Variants in ZNF800 observed in about 807,000 individuals in gnomAD.
The protein encoded by ZNF800 is zinc finger protein 800.
Under a neutral mutation model 59.5 loss-of-function variants are expected in ZNF800, and 13 were observed. The observed-to-expected ratio is 0.22, with a 90% CI of 0.14 to 0.35. ZNF800 has a LOEUF of 0.35. Ranked by LOEUF, ZNF800 falls within the 10% of genes least tolerant of loss-of-function variation. The pLI is 1.00. For synonymous variants in ZNF800, 266 were observed against 265.7 expected, an observed-to-expected ratio of 1.00 and a Z score of -0.01; for missense variants, 621 against 783.7, an observed-to-expected ratio of 0.79 and a Z score of 2.48.
intron 2 of ZNF800, among the ~76,000 whole-genome samples, chr7:127,391,158 C>T (rs987219909): frequency 6.6e-6 from 1 of 152,100 alleles, no homozygotes; most frequent in Non-Finnish European, 1.5e-5. Flanking sequence ...GACAACAAAT[C>T]TAGTATTCTA....
chr7:127,377,039 T>C lies in ZNF800; in HGVS notation c.301+147A>G, dbSNP rs1267113560. On this transcript the variant is annotated intron_variant, in intron 4 of 5. Transcript: ENST00000265827. This position sits in a 1 kb window ranked among gnomAD's most constrained non-coding sequence, Gnocchi z 4.7. ...ACATTGAGTCAAGTATTTAATTTTA[T>C]TCTCCATCTCCATCTAAAAATTATC... 7.0e-5 allele frequency: 46 copies of C among 656,662 alleles called. No homozygotes were observed. Among genetic ancestry groups the C allele is most frequent in the Non-Finnish European group, 5.3e-5 (22 of 418,250 alleles). 40.7% of individuals were successfully genotyped at this position (656,662 alleles called of 1,614,324 possible). A position where few individuals can be genotyped will look rare whatever the true frequency, so the allele number is the denominator to read the frequency against.
At chr7:127,366,356 C>A (rs893829438), downstream of ZNF800, among the ~76,000 whole-genome samples, 2 of 152,130 alleles carry the variant, frequency 1.3e-5, no homozygotes, top group African/African-American at 4.8e-5. Context: ...AAATCACCAA[C>A]TCAAACTATG....
downstream of ZNF800, among the ~76,000 whole-genome samples, chr7:127,367,473 A>C (rs976014423): frequency 6.6e-5 from 10 of 152,174 alleles, no homozygotes; most frequent in Admixed American, 5.2e-4. Context: ...GGGATAATGA[A>C]AGAATAGGTT....
intron 3 of ZNF800, among the ~76,000 whole-genome samples, chr7:127,379,392 A>G (rs1289120296): frequency 6.6e-6 from 1 of 152,202 alleles, no homozygotes; most frequent in Non-Finnish European, 1.5e-5. Context: ...ATTCTAAACT[A>G]CAAAACCTGC....
At chr7:127,365,304 T>C (rs539518289), downstream of ZNF800, among the ~76,000 whole-genome samples, 4 of 152,180 alleles carry the variant, frequency 2.6e-5, no homozygotes, top group South Asian at 2.1e-4. Context: ...ATCTCACATG[T>C]AGAGAAGCTA....
At chr7:127,371,856 A>G in intron 5 of ZNF800, 42 bp from the exon 6 acceptor site, 1 of 742,708 alleles carries the variant, frequency 1.3e-6, no homozygotes, top group Non-Finnish European at 2.5e-6. Flanking sequence ...TGAGTTTACT[A>G]ATAAAACCTA....
intron 1 of ZNF800, chr7:127,362,094 C>G (rs1466812839): frequency 6.6e-6 from 1 of 152,086 alleles, no homozygotes; most frequent in Admixed American, 6.6e-5. Flanking sequence ...CAAGGCCAAG[C>G]ATAGAGATAC....
intron 3 of ZNF800, among the ~76,000 whole-genome samples, chr7:127,381,086 A>T (rs902728866): frequency 6.6e-6 from 1 of 152,240 alleles, no homozygotes; most frequent in Non-Finnish European, 1.5e-5. Context: ...GTCACATTAC[A>T]ATATGACAAT....
At chr7:127,384,781 T>A (rs759994807) in intron 3 of ZNF800, among the ~76,000 whole-genome samples, 1 of 152,172 alleles carries the variant, frequency 6.6e-6, no homozygotes, top group East Asian at 1.9e-4. Flanking sequence ...CTGTCCCTAA[T>A]AAGTAAAATT....
chr7:127,370,629 T>A lies in ZNF800; in HGVS notation c.*1185A>T, dbSNP rs935211518. ...TCCTAAGTACAGGTGTGAACCTATATAAAAACATGGTATATTTTCTGCTGT... is the reference window on the plus strand; with the variant it reads ...TCCTAAGTACAGGTGTGAACCTATAAAAAAACATGGTATATTTTCTGCTGT... On this transcript the variant is annotated 3_prime_UTR_variant, in exon 6 of 6. Transcript: ENST00000265827. The A allele has an allele frequency of 1.3e-5, 2 of 152,546 alleles. No individual in the cohort carries two copies. The highest frequency in any genetic ancestry group is 2.4e-5 in the African/African-American group (1 of 41,450). The allele number at this position is 152,546 out of a possible 1,614,324, so 9.4% of individuals were successfully genotyped here. A position where few individuals can be genotyped will look rare whatever the true frequency, so the allele number is the denominator to read the frequency against.
Position 127,373,383 on chromosome 7 carries a change from G to T in ZNF800, c.1953C>A (p.Asn651Lys). Residue 651 changes from asparagine to lysine, a missense_variant, in exon 5 of 6, where the codon AAC becomes AAA. Physicochemically the swap from Asn to Lys is moderately conservative, Grantham distance 94. Around this residue, in one of 7 missense-constraint regions of ZNF800, gnomAD observed 94 missense variants for 108.5 expected, o/e 0.87. Transcript: ENST00000265827. ...KANASNSPEG[N>K]KTKGRSTRSK... ...ATCTTGTACTTCGGCCTTTGGTTTT[G>T]TTTCCTTCAGGTGAATTGGAAGCAT... is the stretch of plus-strand genomic sequence containing the variant. The T allele has an allele frequency of 6.2e-7, 1 of 1,610,194 alleles. No individual in the cohort carries two copies. Among genetic ancestry groups the T allele is most frequent in the Non-Finnish European group, 8.5e-7 (1 of 1,177,876 alleles).
At chr7:127,357,771 TTTAA>T (rs1390765585) in intron 1 of ZNF800, among the ~76,000 whole-genome samples, 1 of 152,048 alleles carries the variant, frequency 6.6e-6, no homozygotes, top group African/African-American at 2.4e-5. Flanking sequence ...ACTATTACAA[TTTAA>T]TTATTCAGTA....
At chr7:127,386,727 A>T (rs1440799462) in intron 2 of ZNF800, among the ~76,000 whole-genome samples, 1 of 152,234 alleles carries the variant, frequency 6.6e-6, no homozygotes, top group Non-Finnish European at 1.5e-5. Context: ...AACAACTTAA[A>T]AGTCTCTTAA....
Position 127,373,997 on chromosome 7 carries a change from G to C in ZNF800, c.1339C>G (p.Gln447Glu). ...SNEKKNTPAAQKNKVKQDSES... is the reference protein window; with the variant it reads ...SNEKKNTPAAEKNKVKQDSES... ...GAGTCTTGTTTAACTTTATTTTTCT[G>C]TGCTGCCGGTGTGTTCTTTTTTTCA... Residue 447 changes from glutamine to glutamate, a missense_variant, in exon 5 of 6, where the codon CAG (glutamine) becomes GAG (glutamate). Physicochemically the swap from Gln to Glu is conservative, Grantham distance 29. Transcript: ENST00000265827. 6.2e-7 allele frequency: 1 copy of C among 1,613,780 alleles called. No homozygotes were observed. The highest frequency in any genetic ancestry group is 1.1e-5 in the South Asian group (1 of 91,056).
At chr7:127,369,224 G>A (rs932973083), downstream of ZNF800, among the ~76,000 whole-genome samples, 4 of 152,102 alleles carry the variant, frequency 2.6e-5, no homozygotes, top group Admixed American at 6.6e-5. Context: ...AGGAAGGTAA[G>A]TTGAATTCCA....
chr7:127,380,875 G>T (rs892062647), intron 3 of ZNF800, among the ~76,000 whole-genome samples: 2 of 152,108 alleles, frequency 1.3e-5, no homozygotes, highest in East Asian at 1.9e-4. Context: ...CAAAGGAAAG[G>T]CTTTTGATAG....
chr7:127,387,233 T>C (rs1801163731), intron 2 of ZNF800, among the ~76,000 whole-genome samples: 1 of 152,086 alleles, frequency 6.6e-6, no homozygotes, highest in Admixed American at 6.5e-5. Flanking sequence ...ATAGAGATGG[T>C]TGTGGTGGAG....
chr7:127,391,626 A>C lies in ZNF800; in HGVS notation c.-58-11T>G, dbSNP rs1356648204. On this transcript the variant is annotated splice_polypyrimidine_tract_variant and intron_variant, in intron 1 of 5. Transcript: ENST00000265827. Reference sequence around the variant, plus strand: ...TTCATTGCGGCGTGGCTGTTGAAAGAAGCACAAACCCGTCACTCGCCCTGA... The same window carrying C: ...TTCATTGCGGCGTGGCTGTTGAAAGCAGCACAAACCCGTCACTCGCCCTGA... The C allele has an allele frequency of 4.1e-6, 6 of 1,454,044 alleles. No homozygotes were observed. The highest frequency in any genetic ancestry group is 1.4e-5 in the African/African-American group (1 of 71,744). The allele number at this position is 1,454,044 out of a possible 1,614,324, so 90.1% of individuals were successfully genotyped here.
intron 5 of ZNF800, chr7:127,372,683 G>C: frequency 3.0e-6 from 3 of 984,972 alleles, no homozygotes; most frequent in Non-Finnish European, 3.6e-6. Context: ...CTAAAAAACA[G>C]TAACTAACAC....
Sources: gnomAD v4.1 joint callset for allele counts (sites outside exome capture counted in the v4.1 genomes callset) on GRCh38, gnomAD v4.1.1 for gene constraint, gnomAD v4.1.1 regional missense constraint, Gnocchi (gnomAD v3.1) non-coding constraint, MANE v1.5 for transcripts, NCBI Gene and HGNC (gene_info 2026-07-23, HGNC 2026-07-21) for gene names.